Variants in TG observed in about 807,000 individuals in gnomAD.
TG encodes thyroglobulin, also known as thyroid hormones.
In TG, 270 loss-of-function variants were observed where a neutral mutation model predicts 324.7. The ratio of observed to expected loss-of-function variants is 0.83; its 90% confidence interval spans 0.75 to 0.92. TG has a LOEUF of 0.92. TG is among the 40% of genes least tolerant of loss of function. The pLI, the probability that TG is intolerant of heterozygous loss-of-function variation, is 0.00. For synonymous variants in TG, 1,401 were observed against 1,327.0 expected (o/e 1.06, Z -1.21); for missense variants, 3,591 against 3,456.4 (o/e 1.04, Z -0.98).
chr8:133,015,909 A>G (rs568581140), intron 37 of TG, among the ~76,000 whole-genome samples: 1 of 151,992 alleles, frequency 6.6e-6, no homozygotes, highest in African/African-American at 2.4e-5. Context: ...AGAAGGCTTC[A>G]TTTGCTCTTT....
chr8:133,047,164 CT>C (rs1341750714), intron 41 of TG: 5 of 152,200 alleles, frequency 3.3e-5, no homozygotes, highest in Non-Finnish European at 7.3e-5. Context: ...AAAATTGGAA[CT>C]TGGGACCCTT....
chr8:133,067,389 G>A (rs893603536), intron 41 of TG, among the ~76,000 whole-genome samples: 3 of 152,172 alleles, frequency 2.0e-5, no homozygotes, highest in Non-Finnish European at 2.9e-5. Flanking sequence ...ACCTACAAGG[G>A]CAGGCAGCCA....
chr8:132,923,485 C>A lies in TG; in HGVS notation c.4676C>A (p.Pro1559His). Reference sequence around the variant, plus strand: ...CTGCCATGGTGGGAAACAGAGGCCCCTCTTGAGGACTCACAGTGTTTGAGT... The same window carrying A: ...CTGCCATGGTGGGAAACAGAGGCCCATCTTGAGGACTCACAGTGTTTGAGT... ...RRLPWWETEA[P>H]LEDSQCLMMQ... The change falls in exon 22 of 48, where the codon CCT (proline) becomes CAT (histidine). Residue 1559 changes from proline (P) to histidine (H), a missense_variant. Physicochemically the swap from Pro to His is moderately conservative, Grantham distance 77 (BLOSUM62 -2). Transcript: ENST00000220616. 5 of 1,614,028 alleles carry A rather than the reference C, an allele frequency of 3.1e-6. No individual in the cohort carries two copies. The highest frequency in any genetic ancestry group is 3.4e-6 in the Non-Finnish European group (4 of 1,179,982).
At chr8:133,086,003 A>G (rs2131570932) in intron 41 of TG, among the ~76,000 whole-genome samples, 1 of 152,374 alleles carries the variant, frequency 6.6e-6, no homozygotes, top group East Asian at 1.9e-4. Context: ...GGTAAGCAAA[A>G]TATGGTTTCT....
rs755948833 is a variant in TG at position 132,929,089 on chromosome 8, T to G, written c.4713T>G (p.Phe1571Leu). ...CTTTATTTTTAGTGATGCAGAAGTT[T>G]GAGAAGGTTCCAGAATCAAAGGTGA... ...EDSQCLMMQK[F>L]EKVPESKVIF... The change falls in exon 23 of 48, where the codon TTT becomes TTG. Residue 1571 changes from phenylalanine (F) to leucine (L), a missense_variant. Coordinates refer to ENST00000220616, the MANE Select transcript of TG (RefSeq NM_003235.5). The G allele has an allele frequency of 1.2e-6, 2 of 1,613,976 alleles. No individual in the cohort carries two copies. Among genetic ancestry groups the G allele is most frequent in the Non-Finnish European group, 8.5e-7 (1 of 1,179,994 alleles).
Position 132,870,519 on chromosome 8 carries a change from T to A in TG, c.274+693T>A, listed in dbSNP as rs561402312. Among the ~76,000 whole-genome samples, 144 of 151,564 alleles carry A rather than the reference T, an allele frequency of 9.5e-4. 1 individual carries two copies. Among genetic ancestry groups the A allele is most frequent in the African/African-American group, 3.2e-3 (133 of 41,230 alleles). On this transcript the variant is annotated intron_variant, in intron 3 of 47. Transcript: ENST00000220616. ...GTATGATGTGAGGATTTAGAACACG[T>A]GTAAACACTAGGCACATAGTAGGTA...
intron 26 of TG, among the ~76,000 whole-genome samples, chr8:132,945,344 G>A (rs960991518): frequency 2.6e-5 from 4 of 152,172 alleles, no homozygotes; most frequent in Admixed American, 6.5e-5. Flanking sequence ...GGTTGAGGAA[G>A]AGGTGTCAAT....
intron 42 of TG, 121 bp downstream of exon 42, chr8:133,095,329 C>T: frequency 7.3e-7 from 1 of 1,368,876 alleles, no homozygotes; most frequent in Non-Finnish European, 1.0e-6. Context: ...TGATGACCAA[C>T]TGGAGCTGGA....
chr8:132,969,454 G>A lies in TG; in HGVS notation c.5864-4G>A. The A allele has an allele frequency of 6.3e-7, 1 of 1,594,098 alleles. No homozygotes were observed. The highest frequency in any genetic ancestry group is 8.6e-7 in the Non-Finnish European group (1 of 1,161,892). The stretch of plus-strand genomic sequence containing the variant: ...TAATGTATTTTCTTTCTTCCTCTAT[G>A]AAGTTATACTGGAAGATAAAGTGAA... On this transcript the variant is annotated splice_polypyrimidine_tract_variant and splice_region_variant and intron_variant, in intron 31 of 47. Coordinates refer to ENST00000220616, the MANE Select transcript of TG (RefSeq NM_003235.5).
intron 34 of TG, among the ~76,000 whole-genome samples, chr8:132,975,039 C>T (rs1327114534): frequency 6.6e-6 from 1 of 152,116 alleles, no homozygotes; most frequent in Non-Finnish European, 1.5e-5. Flanking sequence ...AATGAAATAT[C>T]CTCAGTGGGT....
Position 132,886,855 on chromosome 8 carries a change from T to C in TG, c.1483T>C (p.Phe495Leu). 6.2e-7 allele frequency: 1 copy of C among 1,614,190 alleles called. No individual in the cohort carries two copies. The highest frequency in any genetic ancestry group is 8.5e-7 in the Non-Finnish European group (1 of 1,180,028). The change falls in exon 9 of 48, where the codon TTT becomes CTT. Residue 495 changes from phenylalanine (F) to leucine (L), a missense_variant. By Grantham distance (22) the Phe-to-Leu change is conservative. Transcript: ENST00000220616. ...TGGAGCCCTTGGCACAAGAGGCACA[T>C]TTAACTTCAGTCAATTTTTCCAGCA... ...LSGALGTRGT[F>L]NFSQFFQQLG...
chr8:132,963,581 T>C (rs1828069606), intron 29 of TG, among the ~76,000 whole-genome samples: 1 of 151,990 alleles, frequency 6.6e-6, no homozygotes, highest in Admixed American at 6.6e-5. Context: ...ATTACTGAGG[T>C]GGAGCTGAAA....
intron 35 of TG, among the ~76,000 whole-genome samples, chr8:132,995,965 T>C (rs1564055277): frequency 6.6e-6 from 1 of 152,164 alleles, no homozygotes; most frequent in Non-Finnish European, 1.5e-5. Context: ...TTTGGAAACT[T>C]CTGCCTGCAA....
At chr8:133,072,613 A>T (rs1029233021) in intron 41 of TG, among the ~76,000 whole-genome samples, 6 of 152,234 alleles carry the variant, frequency 3.9e-5, no homozygotes, top group Non-Finnish European at 8.8e-5. Flanking sequence ...TACATTCTTG[A>T]TGAATGTCAA....
intron 21 of TG, among the ~76,000 whole-genome samples, chr8:132,922,660 A>C (rs1272710682): frequency 1.3e-5 from 2 of 152,230 alleles, no homozygotes; most frequent in African/African-American, 4.8e-5. Flanking sequence ...TATTTCTCAC[A>C]GTTCTGGAGA....
intron 43 of TG, among the ~76,000 whole-genome samples, chr8:133,104,212 A>T (rs1849594224): frequency 6.6e-6 from 1 of 152,216 alleles, no homozygotes; most frequent in Admixed American, 6.5e-5. Context: ...AGTCAGAGGG[A>T]TGAAGAAGAC....
intron 41 of TG, among the ~76,000 whole-genome samples, chr8:133,082,593 G>A (rs1003791669): frequency 6.6e-6 from 1 of 152,162 alleles, no homozygotes; most frequent in Non-Finnish European, 1.5e-5. Context: ...TGAGCAATAA[G>A]GCCTTTGCGG....
At chr8:132,884,476 A>C (rs1329856376) in intron 8 of TG, among the ~76,000 whole-genome samples, 1 of 152,212 alleles carries the variant, frequency 6.6e-6, no homozygotes, top group Non-Finnish European at 1.5e-5. Flanking sequence ...GCTTCAATAT[A>C]TATATTAACA....
chr8:133,060,499 T>A, intron 41 of TG: 1 of 766,754 alleles, frequency 1.3e-6, no homozygotes, highest in Non-Finnish European at 2.0e-6. Flanking sequence ...CACAGCAGGG[T>A]TTGTGTGAGA....
Sources: allele counts gnomAD v4.1 joint callset (sites outside exome capture counted in the v4.1 genomes callset), GRCh38; gene constraint gnomAD v4.1.1; transcripts MANE v1.5; gene names NCBI Gene and HGNC (gene_info 2026-07-23, HGNC 2026-07-21).